ASH1L: variants seen among roughly 807,000 people sequenced by gnomAD.
ASH1L encodes ASH1 like histone lysine methyltransferase, also known as histone-lysine N-methyltransferase ASH1L.
A neutral mutation model predicts 269.0 loss-of-function variants in ASH1L; 23 were observed. The ratio of observed to expected loss-of-function variants is 0.09; its 90% CI spans 0.06 to 0.12. The LOEUF (loss-of-function observed/expected upper bound fraction) is 0.12, where lower values mean the gene tolerates loss of function less well. Among genes scored for constraint, ASH1L ranks in the 10% least tolerant of loss-of-function variants. The pLI, the probability that ASH1L is intolerant of heterozygous loss-of-function variation, is 1.00. For missense variants in ASH1L, 2,912 were observed against 3,567.8 expected, an observed-to-expected ratio of 0.82 and a Z score of 4.68; for synonymous variants, 1,187 against 1,253.5, an observed-to-expected ratio of 0.95 and a Z score of 1.12.
At chr1:155,470,713 G>A (rs1665035773) in intron 3 of ASH1L, among the ~76,000 whole-genome samples, 1 of 151,660 alleles carries the variant, frequency 6.6e-6, no homozygotes, top group Non-Finnish European at 1.5e-5. Flanking sequence ...CACCATGCCT[G>A]GCTAATTTTT....
intron 1 of ASH1L, among the ~76,000 whole-genome samples, chr1:155,523,530 T>C (rs1256320884): frequency 1.3e-5 from 2 of 152,114 alleles, no homozygotes; most frequent in Non-Finnish European, 2.9e-5. Context: ...CTACAAGGAA[T>C]GTAAGTAAAA....
rs1037862803 is a variant in ASH1L at position 155,482,052 on chromosome 1, T to G, written c.818A>C (p.Lys273Thr). The G allele has an allele frequency of 1.2e-6, 2 of 1,614,072 alleles. No homozygotes were observed. Among genetic ancestry groups the G allele is most frequent in the African/African-American group, 2.7e-5 (2 of 74,932 alleles). Residue 273 changes from lysine to threonine, a missense_variant, in exon 3 of 28, where the codon AAG becomes ACG. This residue lies in a region of ASH1L where 277 missense variants were observed against 367.7 expected (regional missense o/e 0.75). Transcript: ENST00000392403. ...TCCAACTGCTGTGCTGATGGTTGGC[T>G]TTTTTATTAAGTCCTTATGTATTAT... The part of the protein sequence containing the change: ...AGIIHKDLIK[K>T]PTISTAVGLV...
intron 21 of ASH1L, among the ~76,000 whole-genome samples, chr1:155,344,948 T>C (rs1570948369): frequency 6.6e-6 from 1 of 152,214 alleles, no homozygotes; most frequent in Non-Finnish European, 1.5e-5. Flanking sequence ...TGATAGTGTT[T>C]ATAAAAACCT....
intron 6 of ASH1L, among the ~76,000 whole-genome samples, chr1:155,404,188 T>C (rs1350146024): frequency 6.6e-6 from 1 of 151,672 alleles, no homozygotes; most frequent in East Asian, 1.9e-4. Context: ...AGACCCTGTC[T>C]CTGAAAAAAT....
chr1:155,440,189 T>G (rs1292399772), intron 4 of ASH1L, among the ~76,000 whole-genome samples: 2 of 152,024 alleles, frequency 1.3e-5, no homozygotes, highest in Non-Finnish European at 2.9e-5. Flanking sequence ...GTACCCGTAG[T>G]CCTATCTACT....
chr1:155,412,886 CTGTG>C (rs746497011), intron 6 of ASH1L, among the ~76,000 whole-genome samples: 5 of 148,750 alleles, frequency 3.4e-5, no homozygotes, highest in Non-Finnish European at 5.9e-5. Context: ...CAGAAGTCTT[CTGTG>C]TGTTTTTTTT....
In ASH1L at chr1:155,562,704, G is replaced by T. The variant is rs1348159431; in HGVS notation, c.-651C>A. On this transcript the variant is annotated 5_prime_UTR_variant, in exon 1 of 28. It adds an upstream start codon to the 5' untranslated region. Transcript: ENST00000392403. ...GCCAGCCCGTACGCGCTCACCCACAGGAACCCCCTCGTCCAGTCCCTCACT... is the reference window on the plus strand; with the variant it reads ...GCCAGCCCGTACGCGCTCACCCACATGAACCCCCTCGTCCAGTCCCTCACT... 4 of 1,488,612 alleles carry T rather than the reference G, an allele frequency of 2.7e-6. No homozygotes were observed. The highest frequency in any genetic ancestry group is 1.4e-5 in the African/African-American group (1 of 71,826). The allele number at this position is 1,488,612 out of a possible 1,614,324, so 92.2% of individuals were successfully genotyped here.
chr1:155,493,144 C>T (rs1281811511), intron 2 of ASH1L, among the ~76,000 whole-genome samples: 1 of 152,184 alleles, frequency 6.6e-6, no homozygotes, highest in Non-Finnish European at 1.5e-5. Flanking sequence ...GTGCACAATT[C>T]AGTGGGTTTT....
At chr1:155,367,745 T>C (rs1302519826) in intron 12 of ASH1L, among the ~76,000 whole-genome samples, 7 of 152,228 alleles carry the variant, frequency 4.6e-5, no homozygotes, top group African/African-American at 1.7e-4. Flanking sequence ...TGTGATAAAA[T>C]TACATTGGTT....
At chr1:155,349,884 CTTTT>C (rs1299756334) in intron 17 of ASH1L, among the ~76,000 whole-genome samples, 4 of 97,696 alleles carry the variant, frequency 4.1e-5, no homozygotes, top group Admixed American at 2.2e-4. Flanking sequence ...CGCCAAGCTA[CTTTT>C]TTTTTTTTTT....
chr1:155,486,713 TTTA>T (rs1666350570), intron 2 of ASH1L, among the ~76,000 whole-genome samples: 1 of 152,158 alleles, frequency 6.6e-6, no homozygotes, highest in South Asian at 2.1e-4. Context: ...ATTCATTACT[TTTA>T]TACTTTTAAA....
intron 4 of ASH1L, among the ~76,000 whole-genome samples, chr1:155,444,361 T>C (rs1354096829): frequency 6.6e-6 from 1 of 152,196 alleles, no homozygotes; most frequent in Non-Finnish European, 1.5e-5. Context: ...CCATCATCAA[T>C]GACTGAGTTA....
chr1:155,540,102 T>C (rs949524050), intron 1 of ASH1L, among the ~76,000 whole-genome samples: 5 of 151,944 alleles, frequency 3.3e-5, no homozygotes, highest in African/African-American at 1.2e-4. Context: ...GTAATTTCCC[T>C]GCTTAAAATC....
rs113634850 is a variant in ASH1L at position 155,433,535 on chromosome 1, C to T, written c.5828+4792G>A. ...CTCCCTGGAGCCCTGCACCGTCCCC[C>T]CTGGTGCCGTGAAACTGGAGAAGGA... On this transcript the variant is annotated intron_variant, in intron 5 of 27. Coordinates refer to ENST00000392403, the MANE Select transcript of ASH1L (RefSeq NM_018489.3). 371 of 1,610,598 alleles carry T rather than the reference C, an allele frequency of 2.3e-4. 1 individual carries two copies. In the African/African-American group the frequency reaches 3.7e-3, roughly 16 times the overall value.
chr1:155,379,046 G>A (rs1031590277), intron 8 of ASH1L, among the ~76,000 whole-genome samples: 2 of 151,446 alleles, frequency 1.3e-5, no homozygotes, highest in Non-Finnish European at 2.9e-5. Flanking sequence ...AAAGGAGAGA[G>A]GGCAGGCAGG....
chr1:155,360,249 C>T, intron 13 of ASH1L, 52 bp downstream of exon 13: 8 of 1,205,646 alleles, frequency 6.6e-6, no homozygotes, highest in Non-Finnish European at 9.9e-6. Context: ...CATGTTATTA[C>T]AGCATTGTAA....
At chr1:155,367,448 T>G (rs1655535347) in intron 12 of ASH1L, among the ~76,000 whole-genome samples, 1 of 152,254 alleles carries the variant, frequency 6.6e-6, no homozygotes, top group Non-Finnish European at 1.5e-5. Flanking sequence ...TAATGTCATC[T>G]GCGAATAATG....
At chr1:155,381,268 T>C (rs995746800) in intron 7 of ASH1L, among the ~76,000 whole-genome samples, 27 of 152,250 alleles carry the variant, frequency 1.8e-4, no homozygotes, top group African/African-American at 6.5e-4. Context: ...TTAAAAGACA[T>C]CCTTGGCTGG....
chr1:155,527,511 T>A (rs1477126275), intron 1 of ASH1L, among the ~76,000 whole-genome samples: 1 of 144,166 alleles, frequency 6.9e-6, no homozygotes, highest in Non-Finnish European at 1.5e-5. Flanking sequence ...CCTCGCTACC[T>A]CACTTGACTT....
Sources: gnomAD v4.1 joint callset for allele counts (sites outside exome capture counted in the v4.1 genomes callset) on GRCh38, gnomAD v4.1.1 for gene constraint, gnomAD v4.1.1 regional missense constraint, MANE v1.5 for transcripts, NCBI Gene and HGNC (gene_info 2026-07-23, HGNC 2026-07-21) for gene names.